PEAR1: variants seen among roughly 807,000 people sequenced by gnomAD.
The protein encoded by PEAR1 is platelet endothelial aggregation receptor 1.
PEAR1 carries 113 observed loss-of-function variants against 131.2 expected under a neutral mutation model. The ratio of observed to expected loss-of-function variants is 0.86; its 90% CI spans 0.74 to 1.01. The LOEUF (loss-of-function observed/expected upper bound fraction) is 1.01. PEAR1 is among the 50% of genes least tolerant of loss of function. The pLI is 0.00. For missense variants in PEAR1, 1,408 were observed against 1,391.1 expected (o/e 1.01, Z -0.19); for synonymous variants, 565 against 523.3 (o/e 1.08, Z -1.09).
At position 156,908,663 on chromosome 1, in the gene PEAR1, C is replaced by T. The variant is rs1430734074; in HGVS notation, c.1124C>T (p.Pro375Leu). The change falls in exon 10 of 23, where the codon CCG (proline) becomes CTG (leucine). Residue 375 changes from proline (P) to leucine (L), a missense_variant. By Grantham distance (98) the Pro-to-Leu change is moderately conservative. Transcript: ENST00000292357. The surrounding 1 kb of genome is among the most constrained non-coding windows in gnomAD (Gnocchi z 4.2). ...CDREHSLSCH[P>L]MNGECSCLPG... ...CCCGCCTCTGCCCCCAGCTGCCACC[C>T]GATGAACGGGGAGTGCTCCTGCCTG... The T allele has an allele frequency of 2.6e-6, 4 of 1,526,098 alleles. No individual in the cohort carries two copies. The highest frequency in any genetic ancestry group is 2.5e-5 in the East Asian group (1 of 40,748). 94.5% of individuals were successfully genotyped at this position (1,526,098 alleles called of 1,614,324 possible).
At chr1:156,910,534 G>A in intron 14 of PEAR1, 84 bp from the exon 15 acceptor site, 1 of 1,573,372 alleles carries the variant, frequency 6.4e-7, no homozygotes, top group South Asian at 1.2e-5. Context: ...TTACTGCAGT[G>A]GGAAGGTGGG....
rs568872122 is a variant in PEAR1 at position 156,910,857 on chromosome 1, T to G, written c.1951+114T>G. On this transcript the variant is annotated intron_variant, in intron 15 of 22. Coordinates refer to ENST00000292357, the MANE Select transcript of PEAR1 (RefSeq NM_001080471.3). Reference sequence around the variant, plus strand: ...TAAAAGCCTCTGGGCCCACCTTGAGTAAATATTTACTGGGCACCACCTACA... The same window carrying G: ...TAAAAGCCTCTGGGCCCACCTTGAGGAAATATTTACTGGGCACCACCTACA... 4.8e-6 allele frequency: 7 copies of G among 1,451,836 alleles called. 1 individual carries two copies. In the South Asian group the frequency reaches 9.3e-5, roughly 19 times the overall value. 89.9% of individuals were successfully genotyped at this position (1,451,836 alleles called of 1,614,324 possible). A position where few individuals can be genotyped will look rare whatever the true frequency, so the allele number is the denominator to read the frequency against.
chr1:156,910,846 C>A (rs889028736), intron 15 of PEAR1, 103 bp downstream of exon 15: 6 of 1,502,956 alleles, frequency 4.0e-6, no homozygotes, highest in Admixed American at 1.9e-5. Context: ...AGCCTCTGGG[C>A]CCACCTTGAG....
At position 156,913,499 on chromosome 1, in the gene PEAR1, C is replaced by T. The variant is rs996478910; in HGVS notation, c.2620C>T (p.Pro874Ser). The change falls in exon 20 of 23, where the codon CCC (proline) becomes TCC (serine). Residue 874 changes from proline (P) to serine (S), a missense_variant. Physicochemically the swap from Pro to Ser is moderately conservative, Grantham distance 74. Coordinates refer to ENST00000292357, the MANE Select transcript of PEAR1 (RefSeq NM_001080471.3). Reference protein sequence around the residue: ...LPADWKHRREPPPGPLDRGSS... With the variant: ...LPADWKHRRESPPGPLDRGSS... ...TGCTGACTGGAAGCACCGCCGGGAG[C>T]CCCCTCCAGGGCCTCTGGACAGGGG... 17 of 1,612,760 alleles carry T rather than the reference C, an allele frequency of 1.1e-5. No individual in the cohort carries two copies. Among genetic ancestry groups the T allele is most frequent in the African/African-American group, 5.3e-5 (4 of 74,930 alleles).
At position 156,910,665 on chromosome 1, in the gene PEAR1, G is replaced by A. The variant is rs762449276; in HGVS notation, c.1873G>A (p.Ala625Thr). 6.2e-7 allele frequency: 1 copy of A among 1,614,086 alleles called. No homozygotes were observed. Among genetic ancestry groups the A allele is most frequent in the Non-Finnish European group, 8.5e-7 (1 of 1,180,026 alleles). Reference protein sequence around the residue: ...YGKRCVPCKCANHSFCHPSNG... With the variant: ...YGKRCVPCKCTNHSFCHPSNG... ...CAAACGCTGTGTGCCCTGCAAGTGC[G>A]CTAACCACTCCTTCTGCCACCCCTC... The change falls in exon 15 of 23, where the codon GCT (alanine) becomes ACT (threonine). Residue 625 changes from alanine to threonine, a missense_variant. Transcript: ENST00000292357.
chr1:156,912,867 A>G lies in PEAR1; in HGVS notation c.2307A>G (p.Val769=). ...TTGCAGTGCTGGGGTCCCTTGTGGT[A>G]GCCCTGGTGGCACTGTTCATTGGCT... The part of the protein sequence containing the change: ...IGIAVLGSLV[V]ALVALFIGYR... Residue 769 remains valine (V), a synonymous_variant, in exon 18 of 23, where the codon GTA becomes GTG. Transcript: ENST00000292357. The G allele has an allele frequency of 6.2e-7, 1 of 1,614,228 alleles. No individual in the cohort carries two copies. The highest frequency in any genetic ancestry group is 8.5e-7 in the Non-Finnish European group (1 of 1,180,040).
Position 156,905,370 on chromosome 1 carries a change from C to G in PEAR1, c.253C>G (p.Arg85Gly). The stretch of plus-strand genomic sequence containing the variant: ...CCGTCAGGTGGTGAAGACGGACCAC[C>G]GCCAGCGCCTGCAGTGCTGCCATGG... ...VYRQVVKTDH[R>G]QRLQCCHGFY... Residue 85 changes from arginine to glycine, a missense_variant, in exon 4 of 23, where the codon CGC (arginine) becomes GGC (glycine). Physicochemically the swap from Arg to Gly is moderately radical, Grantham distance 125. Coordinates refer to ENST00000292357, the MANE Select transcript of PEAR1 (RefSeq NM_001080471.3). The G allele has an allele frequency of 1.2e-6, 2 of 1,611,590 alleles. No individual in the cohort carries two copies. The highest frequency in any genetic ancestry group is 1.7e-6 in the Non-Finnish European group (2 of 1,178,948).
At chr1:156,909,378 C>T (rs1037448208) in intron 11 of PEAR1, among the ~76,000 whole-genome samples, 8 of 152,148 alleles carry the variant, frequency 5.3e-5, no homozygotes, top group Admixed American at 1.3e-4. Flanking sequence ...AGGCTGGACT[C>T]GGATACAGTT....
In PEAR1 at chr1:156,909,171, G is replaced by A; in HGVS notation, c.1411+135G>A. 2.5e-6 allele frequency: 3 copies of A among 1,181,648 alleles called. No homozygotes were observed. The South Asian group carries it at 4.4e-5, about 17-fold the overall frequency. 73.2% of individuals were successfully genotyped at this position (1,181,648 alleles called of 1,614,324 possible). ...GGTGGAGGGGCAGCAGCTGGACACAGGGAAAGTATCCAGGCTACTTTCTTC... is the reference window on the plus strand; with the variant it reads ...GGTGGAGGGGCAGCAGCTGGACACAAGGAAAGTATCCAGGCTACTTTCTTC... On this transcript the variant is annotated intron_variant, in intron 11 of 22. Transcript: ENST00000292357.
chr1:156,914,787 C>A lies in PEAR1; in HGVS notation c.3103C>A (p.Gln1035Lys), dbSNP rs758076287. 2.5e-6 allele frequency: 4 copies of A among 1,613,892 alleles called. No individual in the cohort carries two copies. Among genetic ancestry groups the A allele is most frequent in the Non-Finnish European group, 3.4e-6 (4 of 1,179,844 alleles). Residue 1035 changes from glutamine (Q) to lysine (K), a missense_variant, in exon 23 of 23, where the codon CAG (glutamine) becomes AAG (lysine). Gln to Lys is a moderately conservative substitution (Grantham distance 53). Coordinates refer to ENST00000292357, the MANE Select transcript of PEAR1 (RefSeq NM_001080471.3). ...RHPPSPPLRR[Q>K]DR ...TCCCCCATCACCTCCACTTCGACGC[C>A]AGGACCGTTGAGGAGCCAGGATGGT... is the stretch of plus-strand genomic sequence containing the variant.
At chr1:156,897,002 G>C (rs1020764664) in intron 1 of PEAR1, among the ~76,000 whole-genome samples, 1 of 152,216 alleles carries the variant, frequency 6.6e-6, no homozygotes, top group African/African-American at 2.4e-5. Flanking sequence ...CTACTGTCTG[G>C]AGTACGGGGA....
chr1:156,903,196 C>T (rs1189229689), intron 1 of PEAR1, among the ~76,000 whole-genome samples: 1 of 152,132 alleles, frequency 6.6e-6, no homozygotes, highest in African/African-American at 2.4e-5. Context: ...TCCAGCACAC[C>T]ACTGGTTGGG....
intron 17 of PEAR1, 55 bp downstream of exon 17, chr1:156,912,677 G>C: frequency 6.2e-7 from 1 of 1,609,356 alleles, no homozygotes; most frequent in Non-Finnish European, 8.5e-7. Flanking sequence ...CTGGGACCTA[G>C]GCCCCTCATA....
At position 156,908,348 on chromosome 1, in the gene PEAR1, G is replaced by T; in HGVS notation, c.1115+8G>T. ...CCGGGAGCACAGCCTCAGGTGGGCC[G>T]CGGGACATGTGGTCAAAGGATCAGG... On this transcript the variant is annotated splice_region_variant and intron_variant, in intron 9 of 22. Transcript: ENST00000292357. The surrounding 1 kb of genome is among the most constrained non-coding windows in gnomAD (Gnocchi z 4.2). The T allele has an allele frequency of 6.6e-7, 1 of 1,504,168 alleles. No individual in the cohort carries two copies. The highest frequency in any genetic ancestry group is 8.9e-7 in the Non-Finnish European group (1 of 1,126,906). 93.2% of individuals were successfully genotyped at this position (1,504,168 alleles called of 1,614,324 possible). A position where few individuals can be genotyped will look rare whatever the true frequency, so the allele number is the denominator to read the frequency against.
intron 11 of PEAR1, 72 bp downstream of exon 11, chr1:156,909,108 T>TG (rs1214980415): frequency 1.3e-5 from 20 of 1,595,636 alleles, no homozygotes; most frequent in Non-Finnish European, 1.5e-5. Context: ...TCCAAGAGTA[T>TG]GGGTGGGCCA....
In PEAR1 at chr1:156,914,747, G is replaced by T. The variant is rs775740895; in HGVS notation, c.3063G>T (p.Leu1021Phe). The T allele has an allele frequency of 6.2e-7, 1 of 1,613,902 alleles. No homozygotes were observed. Among genetic ancestry groups the T allele is most frequent in the Non-Finnish European group, 8.5e-7 (1 of 1,179,954 alleles). The change falls in exon 23 of 23, where the codon TTG (leucine) becomes TTT (phenylalanine). Residue 1021 changes from leucine (L) to phenylalanine (F), a missense_variant. Leu to Phe is a conservative substitution (Grantham distance 22). Transcript: ENST00000292357. ...KNSHIPGHYD[L>F]PPVRHPPSPP... is the part of the protein sequence containing the mutation. ...GCCACATCCCTGGACATTATGACTT[G>T]CCTCCAGTACGGCATCCCCCATCAC...
chr1:156,900,285 C>A (rs1285811302), intron 1 of PEAR1, among the ~76,000 whole-genome samples: 1 of 152,242 alleles, frequency 6.6e-6, no homozygotes, highest in Admixed American at 6.5e-5. Flanking sequence ...TCAGTTCCCA[C>A]GCTTCTGATC....
chr1:156,911,093 C>CTT (rs56231265), intron 15 of PEAR1, among the ~76,000 whole-genome samples: 1 of 74,064 alleles, frequency 1.4e-5, no homozygotes, highest in African/African-American at 6.8e-5. Flanking sequence ...TTCTTTCTTT[C>CTT]CTTTCTTTCT....
intron 11 of PEAR1, 91 bp downstream of exon 11, chr1:156,909,127 G>A: frequency 1.7e-5 from 26 of 1,553,682 alleles, no homozygotes; most frequent in Non-Finnish European, 2.2e-5. Context: ...CAAGGGCAGG[G>A]GAGCGGCTGC....
Sources: allele counts gnomAD v4.1 joint callset (sites outside exome capture counted in the v4.1 genomes callset), GRCh38; gene constraint gnomAD v4.1.1; non-coding constraint Gnocchi (gnomAD v3.1); transcripts MANE v1.5; gene names NCBI Gene and HGNC (gene_info 2026-07-23, HGNC 2026-07-21).